LVRN: variants seen among roughly 807,000 people sequenced by gnomAD.
LVRN encodes the protein laeverin, also known as aminopeptidase Q.
A neutral mutation model predicts 111.4 loss-of-function variants in LVRN; 99 were observed. The observed-to-expected ratio is 0.89, with a 90% confidence interval of 0.76 to 1.05. The LOEUF is 1.05. LVRN is among the 50% of genes least tolerant of loss of function. The probability of loss-of-function intolerance (pLI) is 0.00; values close to 1 mark genes in which losing one functional copy is unlikely to be tolerated. For synonymous variants in LVRN, 488 were observed against 449.5 expected, an observed-to-expected ratio of 1.09 and a Z score of -1.08; for missense variants, 1,414 against 1,206.8, an observed-to-expected ratio of 1.17 and a Z score of -2.54.
At chr5:116,000,940 A>C in intron 9 of LVRN, 127 bp from the exon 10 acceptor site, 1 of 1,063,650 alleles carries the variant, frequency 9.4e-7, no homozygotes, top group Non-Finnish European at 1.4e-6. Context: ...GCCCCAGAGG[A>C]TCACCCACTG....
chr5:115,964,687 G>T (rs911212155), intron 1 of LVRN, among the ~76,000 whole-genome samples: 2 of 152,004 alleles, frequency 1.3e-5, no homozygotes, highest in Non-Finnish European at 1.5e-5. Context: ...CTGTGGCCCA[G>T]TCAAGCTTGC....
At chr5:116,011,040 T>TAAAG in intron 14 of LVRN, 146 bp downstream of exon 14, 1 of 243,612 alleles carries the variant, frequency 4.1e-6, no homozygotes, top group Middle Eastern at 1.5e-3. Flanking sequence ...AGTATATACA[T>TAAAG]TTCCTTAACA....
intron 18 of LVRN, among the ~76,000 whole-genome samples, chr5:116,020,423 C>A (rs905316607): frequency 3.3e-5 from 5 of 152,138 alleles, no homozygotes; most frequent in Admixed American, 2.0e-4. Context: ...TACAGAAAAA[C>A]CACTTTTATT....
chr5:116,022,214 T>C, intron 18 of LVRN, 177 bp from the exon 19 acceptor site: 2 of 536,694 alleles, frequency 3.7e-6, no homozygotes, highest in Non-Finnish European at 6.7e-6. Context: ...ACTTCCTTAG[T>C]GTTAATAGGA....
At chr5:115,966,008 A>C (rs374840156) in intron 1 of LVRN, among the ~76,000 whole-genome samples, 1 of 152,196 alleles carries the variant, frequency 6.6e-6, no homozygotes, top group Non-Finnish European at 1.5e-5. Flanking sequence ...TTGCAAAGAT[A>C]ATATAGAGAG....
intron 18 of LVRN, among the ~76,000 whole-genome samples, chr5:116,020,485 G>A (rs1748704179): frequency 6.6e-6 from 1 of 152,168 alleles, no homozygotes; most frequent in Admixed American, 6.5e-5. Flanking sequence ...TGTCCAAAAT[G>A]AATCTTACCC....
intron 13 of LVRN, among the ~76,000 whole-genome samples, chr5:116,006,188 G>A (rs1748370956): frequency 6.6e-6 from 1 of 152,110 alleles, no homozygotes. Context: ...TGTTTTCCAA[G>A]GGTGATGGCT....
chr5:115,977,573 A>T (rs534198219), intron 1 of LVRN, among the ~76,000 whole-genome samples: 23 of 152,214 alleles, frequency 1.5e-4, no homozygotes, highest in Non-Finnish European at 2.5e-4. Flanking sequence ...TTAATTATAA[A>T]GTTAATCTCT....
chr5:116,022,434 A>G lies in LVRN; in HGVS notation c.2800A>G (p.Arg934Gly), dbSNP rs1276039591. 1 of 1,563,918 alleles carries G rather than the reference A, an allele frequency of 6.4e-7. No individual in the cohort carries two copies. The highest frequency in any genetic ancestry group is 8.7e-7 in the Non-Finnish European group (1 of 1,146,434). The change falls in exon 19 of 20, where the codon AGA (arginine) becomes GGA (glycine). Residue 934 changes from arginine (R) to glycine (G), a missense_variant. Arg to Gly is a moderately radical substitution (Grantham distance 125). Transcript: ENST00000357872. ...GATTAATCTAATATATACAATAGGG[A>G]GAACCGTAACTACAGATTTACAGAT... ...SLINLIYTIG[R>G]TVTTDLQIVE...
intron 6 of LVRN, among the ~76,000 whole-genome samples, chr5:115,996,807 T>G (rs912328842): frequency 4.6e-5 from 7 of 152,172 alleles, no homozygotes; most frequent in African/African-American, 1.7e-4. Flanking sequence ...ATATGGGCAC[T>G]GCAGCCATCA....
intron 12 of LVRN, among the ~76,000 whole-genome samples, chr5:116,004,997 C>G (rs998141057): frequency 1.3e-5 from 2 of 152,050 alleles, no homozygotes; most frequent in African/African-American, 4.8e-5. Flanking sequence ...CATTCTAAGC[C>G]ATGAAAGCAC....
intron 19 of LVRN, among the ~76,000 whole-genome samples, chr5:116,025,756 A>G (rs1015813513): frequency 3.3e-5 from 5 of 152,124 alleles, no homozygotes; most frequent in African/African-American, 1.2e-4. Context: ...TGCTTCATGC[A>G]CCTTCCTGTC....
At chr5:115,994,994 G>A (rs558155333) in intron 6 of LVRN, among the ~76,000 whole-genome samples, 19 of 152,008 alleles carry the variant, frequency 1.2e-4, no homozygotes, top group South Asian at 2.1e-4. Context: ...GCTGGTCCCC[G>A]TCTCATCTCA....
chr5:115,978,932 G>A (rs916355548), intron 1 of LVRN, among the ~76,000 whole-genome samples: 4 of 152,172 alleles, frequency 2.6e-5, no homozygotes, highest in African/African-American at 9.6e-5. Context: ...TCATTTTCCT[G>A]GATTCTTCAG....
rs145190289 is a variant in LVRN at position 116,000,474 on chromosome 5, G to A, written c.1557G>A (p.Glu519=). 5.6e-6 allele frequency: 9 copies of A among 1,614,110 alleles called. No homozygotes were observed. The highest frequency in any genetic ancestry group is 1.1e-5 in the South Asian group (1 of 91,076). ...MARMLSCFLN[E]HLFVSALKSY... is the part of the protein sequence containing the mutation. ...GGATGCTTTCTTGTTTCTTGAATGA[G>A]CATTTATTTGTCAGTGCACTCAAGG... Residue 519 remains glutamate, a synonymous_variant, in exon 8 of 20, where the codon GAG becomes GAA. Coordinates refer to ENST00000357872, the MANE Select transcript of LVRN (RefSeq NM_173800.5).
chr5:116,008,544 T>C (rs1189550924), intron 13 of LVRN, among the ~76,000 whole-genome samples: 1 of 151,398 alleles, frequency 6.6e-6, no homozygotes, highest in Non-Finnish European at 1.5e-5. Context: ...AAATTGTAGA[T>C]GCAAAGGATA....
At chr5:115,982,622 G>C (rs538464008) in intron 1 of LVRN, among the ~76,000 whole-genome samples, 1 of 152,002 alleles carries the variant, frequency 6.6e-6, no homozygotes, top group Non-Finnish European at 1.5e-5. Flanking sequence ...TCGTCTGCTC[G>C]GGGTATTCTT....
At position 115,988,057 on chromosome 5, in the gene LVRN, T is replaced by G; in HGVS notation, c.1105+118T>G. 1.5e-5 allele frequency: 21 copies of G among 1,375,074 alleles called. No individual in the cohort carries two copies. In the South Asian group the frequency reaches 3.0e-4, roughly 19 times the overall value. The allele number at this position is 1,375,074 out of a possible 1,614,324, so 85.2% of individuals were successfully genotyped here. Reference sequence around the variant, plus strand: ...TCACCATCACCATTTAGCTGCTGGTTTGGAGTTAGCCTCCTGACCTATGCC... The same window carrying G: ...TCACCATCACCATTTAGCTGCTGGTGTGGAGTTAGCCTCCTGACCTATGCC... On this transcript the variant is annotated intron_variant, in intron 4 of 19. Transcript: ENST00000357872.
intron 4 of LVRN, among the ~76,000 whole-genome samples, chr5:115,988,669 G>A (rs1747920779): frequency 6.6e-6 from 1 of 152,120 alleles, no homozygotes; most frequent in Admixed American, 6.5e-5. Context: ...TAAATATTTG[G>A]GAGCTTGAGC....
Sources: allele counts gnomAD v4.1 joint callset (sites outside exome capture counted in the v4.1 genomes callset), GRCh38; gene constraint gnomAD v4.1.1; transcripts MANE v1.5; gene names NCBI Gene and HGNC (gene_info 2026-07-23, HGNC 2026-07-21).